The following FBXO22 variants were observed in gnomAD, a reference collection of about 807,000 sequenced individuals.
FBXO22 encodes F-box only protein 22.
FBXO22 carries 13 observed loss-of-function variants against 37.2 expected under a neutral mutation model. That is an observed-to-expected ratio of 0.35 (90% CI 0.23 to 0.56). The LOEUF is 0.56. Among genes scored for constraint, FBXO22 ranks in the 20% least tolerant of loss-of-function variants. The pLI is 0.87. For synonymous variants in FBXO22, 189 were observed against 189.1 expected (o/e 1.00, Z 0.00); for missense variants, 446 against 509.9 (o/e 0.87, Z 1.21).
At chr15:75,915,824 C>T (rs1447379761) in intron 4 of FBXO22, among the ~76,000 whole-genome samples, 8 of 151,050 alleles carry the variant, frequency 5.3e-5, no homozygotes, top group South Asian at 4.2e-4. Flanking sequence ...TGCTTGAGCC[C>T]GGGAGGCAGA....
Position 75,904,103 on chromosome 15 carries a change from G to T in FBXO22, c.140G>T (p.Cys47Phe). The change falls in exon 1 of 7, where the codon TGC (cysteine) becomes TTC (phenylalanine). Residue 47 changes from cysteine (C) to phenylalanine (F), a missense_variant and splice_region_variant. By Grantham distance (205) the Cys-to-Phe change is radical. Around this residue, in one of 2 missense-constraint regions of FBXO22, gnomAD observed 131 missense variants for 99.8 expected, o/e 1.31. Coordinates refer to ENST00000308275, the MANE Select transcript of FBXO22 (RefSeq NM_147188.3). Reference protein sequence around the residue: ...LPAKALLRVACVCRLWRECVR... With the variant: ...LPAKALLRVAFVCRLWRECVR... ...GCCAAGGCGTTGCTGCGGGTGGCCT[G>T]GTGAGGAGAGGAGGCGGAGGCGGGA... The T allele has an allele frequency of 6.5e-7, 1 of 1,540,678 alleles. No homozygotes were observed. The highest frequency in any genetic ancestry group is 2.0e-5 in the Admixed American group (1 of 50,232).
chr15:75,910,973 T>C lies in FBXO22; in HGVS notation c.280-2230T>C, dbSNP rs1320005214. 2.6e-5 allele frequency among the ~76,000 whole-genome samples: 4 copies of C among 152,276 alleles called. No individual in the cohort carries two copies. In the East Asian group the frequency reaches 5.8e-4, roughly 22 times the overall value. On this transcript the variant is annotated intron_variant, in intron 2 of 6. Transcript: ENST00000308275. Reference sequence around the variant, plus strand: ...TAAGGAAGGGGTCCAGTTTTAGTTTTCTGCATATGACTAGCCAGTTTTCTG... The same window carrying C: ...TAAGGAAGGGGTCCAGTTTTAGTTTCCTGCATATGACTAGCCAGTTTTCTG...
chr15:75,922,312 A>G (rs188505990), intron 5 of FBXO22, among the ~76,000 whole-genome samples: 1 of 152,196 alleles, frequency 6.6e-6, no homozygotes, highest in East Asian at 1.9e-4. Flanking sequence ...CCAAAGTGTT[A>G]TGTGGTGCTT....
intron 3 of FBXO22, 84 bp from the exon 4 acceptor site, chr15:75,914,026 C>T: frequency 1.1e-6 from 1 of 903,152 alleles, no homozygotes; most frequent in Non-Finnish European, 1.8e-6. Context: ...TTAAATATTT[C>T]CAGTATTTGC....
In FBXO22 at chr15:75,939,527, A is replaced by C. The variant is rs1226003422; in HGVS notation, c.*6425A>C. ...CAATCCCTTCTAACTTTTCCCAAAAATTGAAGAGGAAGGACGCTGCCTAAT... is the reference window on the plus strand; with the variant it reads ...CAATCCCTTCTAACTTTTCCCAAAACTTGAAGAGGAAGGACGCTGCCTAAT... On this transcript the variant is annotated 3_prime_UTR_variant, in exon 7 of 7. Coordinates refer to ENST00000308275, the MANE Select transcript of FBXO22 (RefSeq NM_147188.3). 2.0e-5 allele frequency: 3 copies of C among 152,198 alleles called. No individual in the cohort carries two copies. Among genetic ancestry groups the C allele is most frequent in the Admixed American group, 2.0e-4 (3 of 15,286 alleles). 9.4% of individuals were successfully genotyped at this position (152,198 alleles called of 1,614,324 possible). A position where few individuals can be genotyped will look rare whatever the true frequency, so the allele number is the denominator to read the frequency against.
intron 5 of FBXO22, among the ~76,000 whole-genome samples, chr15:75,924,402 T>C (rs973177408): frequency 6.6e-6 from 1 of 152,196 alleles, no homozygotes; most frequent in Admixed American, 6.5e-5. Flanking sequence ...TGTACAGTCT[T>C]ACATGGGATG....
Position 75,940,662 on chromosome 15 carries a change from C to T in FBXO22, c.*7560C>T, listed in dbSNP as rs2030855927. The stretch of plus-strand genomic sequence containing the variant: ...CAGACGGATAGACCAATGGGATAGA[C>T]TGGAGAACCTAGAAATAAACCCTCT... On this transcript the variant is annotated 3_prime_UTR_variant, in exon 7 of 7. Transcript: ENST00000308275. The T allele has an allele frequency of 6.6e-6, 1 of 152,060 alleles. No individual in the cohort carries two copies. The highest frequency in any genetic ancestry group is 1.5e-5 in the Non-Finnish European group (1 of 67,960). The allele number at this position is 152,060 out of a possible 1,614,324, so 9.4% of individuals were successfully genotyped here.
At position 75,933,776 on chromosome 15, in the gene FBXO22, TTACATCATCTTATTTTGG is replaced by T; in HGVS notation, c.*676_*693del. On this transcript the variant is annotated 3_prime_UTR_variant, in exon 7 of 7. Coordinates refer to ENST00000308275, the MANE Select transcript of FBXO22 (RefSeq NM_147188.3). ...GCTAACTAACTGGTAGACCAGAGTA[TTACATCATCTTATTTTGG>T]TTTTATACCAATAAAACATAGCGTG... 1 of 295,300 alleles carries T rather than the reference TTACATCATCTTATTTTGG, an allele frequency of 3.4e-6. No homozygotes were observed. 18.3% of individuals were successfully genotyped at this position (295,300 alleles called of 1,614,324 possible).
At chr15:75,907,834 T>A (rs904644260) in intron 2 of FBXO22, among the ~76,000 whole-genome samples, 5 of 152,146 alleles carry the variant, frequency 3.3e-5, no homozygotes, top group African/African-American at 9.7e-5. Context: ...TCGCAGCTAC[T>A]TGGGTAGCTG....
intron 2 of FBXO22, among the ~76,000 whole-genome samples, chr15:75,908,025 T>G (rs1899966995): frequency 6.6e-6 from 1 of 152,170 alleles, no homozygotes; most frequent in African/African-American, 2.4e-5. Context: ...CAGTGGAATG[T>G]GGTGTCAGCT....
intron 6 of FBXO22, among the ~76,000 whole-genome samples, chr15:75,931,191 C>T (rs2029994980): frequency 6.6e-6 from 1 of 152,178 alleles, no homozygotes; most frequent in South Asian, 2.1e-4. Flanking sequence ...AGATACCTCA[C>T]TCAGACTTAT....
chr15:75,907,243 A>T (rs1899949402), intron 2 of FBXO22, among the ~76,000 whole-genome samples: 1 of 152,218 alleles, frequency 6.6e-6, no homozygotes, highest in South Asian at 2.1e-4. Context: ...TCTGAGCCTC[A>T]GGTGCTATCT....
intron 5 of FBXO22, among the ~76,000 whole-genome samples, chr15:75,922,523 A>G (rs1900349285): frequency 6.6e-6 from 1 of 152,224 alleles, no homozygotes; most frequent in Non-Finnish European, 1.5e-5. Flanking sequence ...AAACACAGGC[A>G]CAGAGCCAGG....
chr15:75,905,934 TCTA>T (rs1263087498), intron 2 of FBXO22, among the ~76,000 whole-genome samples: 1 of 152,206 alleles, frequency 6.6e-6, no homozygotes. Context: ...AAATCACTCT[TCTA>T]CTGTAATGAT....
intron 3 of FBXO22, among the ~76,000 whole-genome samples, chr15:75,913,740 C>T (rs913614957): frequency 6.6e-6 from 1 of 152,158 alleles, no homozygotes; most frequent in South Asian, 2.1e-4. Flanking sequence ...AATGGATTCT[C>T]ATTGTCTAAT....
At position 75,939,707 on chromosome 15, in the gene FBXO22, C is replaced by T. The variant is rs912278197; in HGVS notation, c.*6605C>T. The T allele has an allele frequency of 3.9e-5, 6 of 152,116 alleles. No individual in the cohort carries two copies. Among genetic ancestry groups the T allele is most frequent in the Non-Finnish European group, 8.8e-5 (6 of 67,988 alleles). 9.4% of individuals were successfully genotyped at this position (152,116 alleles called of 1,614,324 possible). On this transcript the variant is annotated 3_prime_UTR_variant, in exon 7 of 7. Coordinates refer to ENST00000308275, the MANE Select transcript of FBXO22 (RefSeq NM_147188.3). ...ACACCACGACCAAATGGAATGAATT[C>T]CTGGAATGCAAGGATTGTTCAACAT...
At position 75,904,400 on chromosome 15, in the gene FBXO22, T is replaced by G. The variant is rs562866418; in HGVS notation, c.141-91T>G. ...GACTTTGGATCCCGCAGGGATCTCCTGCTGCTGCGCCAGCGGGTGGGGGTT... is the reference window on the plus strand; with the variant it reads ...GACTTTGGATCCCGCAGGGATCTCCGGCTGCTGCGCCAGCGGGTGGGGGTT... On this transcript the variant is annotated intron_variant, in intron 1 of 6. Transcript: ENST00000308275. 10 of 1,583,458 alleles carry G rather than the reference T, an allele frequency of 6.3e-6. No individual in the cohort carries two copies. In the East Asian group the frequency reaches 2.3e-4, roughly 36 times the overall value.
At chr15:75,923,037 G>T (rs1900362068) in intron 5 of FBXO22, among the ~76,000 whole-genome samples, 1 of 152,086 alleles carries the variant, frequency 6.6e-6, no homozygotes, top group Admixed American at 6.5e-5. Flanking sequence ...CAAACCTTTT[G>T]TGTGCTGCCT....
chr15:75,904,681 C>CT (rs1365470166), intron 2 of FBXO22, 52 bp downstream of exon 2: 1 of 1,514,180 alleles, frequency 6.6e-7, no homozygotes, highest in East Asian at 2.4e-5. Context: ...GTGGTTCAGT[C>CT]TTTGAGAACT....
Sources: gnomAD v4.1 joint callset for allele counts (sites outside exome capture counted in the v4.1 genomes callset) on GRCh38, gnomAD v4.1.1 for gene constraint, gnomAD v4.1.1 regional missense constraint, MANE v1.5 for transcripts, NCBI Gene and HGNC (gene_info 2026-07-23, HGNC 2026-07-21) for gene names.